ABI2: variants seen among roughly 807,000 people sequenced by gnomAD.
The protein encoded by ABI2 is abl interactor 2.
A neutral mutation model predicts 59.2 loss-of-function variants in ABI2; 25 were observed. That is an observed-to-expected ratio of 0.42 (90% CI 0.31 to 0.59). The LOEUF is 0.59. Ranked by LOEUF, ABI2 falls within the 20% of genes least tolerant of loss-of-function variation. The pLI, the probability that ABI2 is intolerant of heterozygous loss-of-function variation, is 0.14. For missense variants in ABI2, 545 were observed against 681.8 expected (o/e 0.80, Z 2.23); for synonymous variants, 213 against 235.5 (o/e 0.90, Z 0.87).
intron 1 of ABI2, among the ~76,000 whole-genome samples, chr2:203,329,546 A>G (rs2071429437): frequency 6.6e-6 from 1 of 151,942 alleles, no homozygotes; most frequent in Admixed American, 6.6e-5. Flanking sequence ...ACAGTTTGCA[A>G]AATCTAAAAT....
intron 4 of ABI2, among the ~76,000 whole-genome samples, chr2:203,384,297 T>TTTTGTTTTTTTTTG (rs1559289094): frequency 1.8e-4 from 22 of 124,070 alleles, no homozygotes; most frequent in African/African-American, 6.0e-4. Context: ...TTTGTTTTTT[T>TTTTGTTTTTTTTTG]TTTTTTTTTT....
At chr2:203,390,973 G>GTA in intron 4 of ABI2, 73 bp from the exon 5 acceptor site, 1 of 1,134,098 alleles carries the variant, frequency 8.8e-7, no homozygotes. Flanking sequence ...GTTATGTAGT[G>GTA]TAGCATATTA....
chr2:203,426,238 G>C (rs1166252639), intron 11 of ABI2, among the ~76,000 whole-genome samples: 1 of 152,132 alleles, frequency 6.6e-6, no homozygotes, highest in Non-Finnish European at 1.5e-5. Flanking sequence ...GTTTGTCTTG[G>C]AACAATGGAT....
chr2:203,371,937 A>AT (rs1434980467), intron 2 of ABI2, among the ~76,000 whole-genome samples: 3 of 150,658 alleles, frequency 2.0e-5, no homozygotes, highest in African/African-American at 2.4e-5. Context: ...TTATTTATTT[A>AT]TTTATTTTTA....
chr2:203,367,281 A>G (rs1408517847), intron 2 of ABI2: 2 of 411,058 alleles, frequency 4.9e-6, no homozygotes, highest in Non-Finnish European at 7.5e-6. Flanking sequence ...TTGTCATGGT[A>G]ACATAATCAG....
intron 1 of ABI2, among the ~76,000 whole-genome samples, chr2:203,358,656 G>A (rs2092806955): frequency 6.6e-6 from 1 of 152,040 alleles, no homozygotes; most frequent in Non-Finnish European, 1.5e-5. Context: ...TGTGTTTTAG[G>A]CCTTGTATAT....
At chr2:203,416,055 A>AT (rs2097879862) in intron 10 of ABI2, among the ~76,000 whole-genome samples, 1 of 152,144 alleles carries the variant, frequency 6.6e-6, no homozygotes. Flanking sequence ...TTTGTTGATG[A>AT]TTTTTTTCCT....
intron 1 of ABI2, among the ~76,000 whole-genome samples, chr2:203,338,315 G>A (rs144164319): frequency 3.3e-5 from 5 of 152,014 alleles, no homozygotes; most frequent in Admixed American, 3.3e-4. Flanking sequence ...TCTTTGGTAT[G>A]GGTCAGATGT....
At chr2:203,341,801 T>C (rs1223363012) in intron 1 of ABI2, among the ~76,000 whole-genome samples, 4 of 152,226 alleles carry the variant, frequency 2.6e-5, no homozygotes, top group African/African-American at 9.6e-5. Context: ...TTTTTATTTG[T>C]CCAGAATATT....
At chr2:203,394,549 C>A in intron 5 of ABI2, 151 bp from the exon 6 acceptor site, 2 of 685,294 alleles carry the variant, frequency 2.9e-6, no homozygotes, top group Non-Finnish European at 2.4e-6. Flanking sequence ...AGAAGTGATA[C>A]ATTAGTAAAG....
intron 8 of ABI2, among the ~76,000 whole-genome samples, chr2:203,400,216 G>A (rs2097168014): frequency 1.3e-5 from 2 of 150,224 alleles, no homozygotes; most frequent in South Asian, 4.3e-4. Context: ...GCCTCCTGAG[G>A]AGCTGGGATT....
intron 9 of ABI2, 31 bp from the exon 10 acceptor site, chr2:203,411,254 C>T (rs1365678310): frequency 1.3e-6 from 2 of 1,553,524 alleles, no homozygotes; most frequent in Non-Finnish European, 1.8e-6. Flanking sequence ...GCCCTTATCC[C>T]TTATCCTCCA....
chr2:203,395,808 A>T, intron 7 of ABI2, 28 bp downstream of exon 7: 1 of 1,532,872 alleles, frequency 6.5e-7, no homozygotes, highest in Non-Finnish European at 8.8e-7. Context: ...CCTCGTCTTC[A>T]CTTTTCCTTT....
At chr2:203,395,859 T>C in intron 7 of ABI2, 79 bp downstream of exon 7, 1 of 1,412,026 alleles carries the variant, frequency 7.1e-7, no homozygotes, top group Non-Finnish European at 9.4e-7. Context: ...TGGTGGGCTT[T>C]CTTCGTAATC....
At chr2:203,385,139 C>CTTTTTT (rs10527327) in intron 4 of ABI2, among the ~76,000 whole-genome samples, 21,630 of 69,638 alleles carry the variant, frequency 0.31, 6,017 homozygotes, top group Non-Finnish European at 0.4. Flanking sequence ...GGCTCAGATT[C>CTTTTTT]TTTTTTTTTT....
rs142003572 is a variant in ABI2 at position 203,347,178 on chromosome 2, A to G, written c.117+18547A>G. 6.6e-4 allele frequency among the ~76,000 whole-genome samples: 101 copies of G among 152,286 alleles called. 1 individual carries two copies. Among genetic ancestry groups the G allele is most frequent in the Middle Eastern group, 3.4e-3 (1 of 294 alleles). On this transcript the variant is annotated intron_variant, in intron 1 of 11. Transcript: ENST00000261018. ...AACAGGGTAAGGAGTGATCATATAG[A>G]AAGCAAGGAAGTGATGGGTTTGGTC...
At chr2:203,411,191 C>G in intron 9 of ABI2, 94 bp from the exon 10 acceptor site, 2 of 963,306 alleles carry the variant, frequency 2.1e-6, no homozygotes, top group Non-Finnish European at 3.3e-6. Context: ...ATAGTAGTTT[C>G]CCTCCTTTAT....
intron 2 of ABI2, among the ~76,000 whole-genome samples, chr2:203,371,061 T>G (rs918032619): frequency 1.3e-5 from 2 of 152,248 alleles, no homozygotes; most frequent in African/African-American, 4.8e-5. Context: ...TTGACTTCTT[T>G]GAACTTAGGT....
chr2:203,401,513 A>T (rs1025086211), intron 8 of ABI2, among the ~76,000 whole-genome samples: 1 of 152,184 alleles, frequency 6.6e-6, no homozygotes. Context: ...TAGGAAACTG[A>T]TGGATTATGG....
Sources: allele counts gnomAD v4.1 joint callset (sites outside exome capture counted in the v4.1 genomes callset), GRCh38; gene constraint gnomAD v4.1.1; transcripts MANE v1.5; gene names NCBI Gene and HGNC (gene_info 2026-07-23, HGNC 2026-07-21).